The following SMYD3 variants were observed in gnomAD, a reference collection of about 807,000 sequenced individuals.
The protein encoded by SMYD3 is histone-lysine N-methyltransferase SMYD3.
Under a neutral mutation model 57.7 loss-of-function variants are expected in SMYD3, and 36 were observed. That is an observed-to-expected ratio of 0.62 (90% CI 0.48 to 0.82). The LOEUF (loss-of-function observed/expected upper bound fraction) is 0.82, where lower values mean the gene tolerates loss of function less well. SMYD3 is among the 40% of genes least tolerant of loss of function. The pLI is 0.00. For synonymous variants in SMYD3, 211 were observed against 195.0 expected (o/e 1.08, Z -0.68); for missense variants, 515 against 538.8 (o/e 0.96, Z 0.44).
chr1:245,949,152 C>T (rs1422403185), intron 5 of SMYD3, among the ~76,000 whole-genome samples: 4 of 152,180 alleles, frequency 2.6e-5, no homozygotes, highest in African/African-American at 9.7e-5. Flanking sequence ...ACGCCCATTG[C>T]CCAGACGCCC....
chr1:245,996,789 AAC>A (rs925401729), intron 5 of SMYD3, among the ~76,000 whole-genome samples: 4 of 152,174 alleles, frequency 2.6e-5, no homozygotes, highest in African/African-American at 9.7e-5. Flanking sequence ...CACCTACAGA[AAC>A]ACAGAAAGTT....
chr1:246,271,336 T>A (rs4291469), intron 5 of SMYD3, among the ~76,000 whole-genome samples: 12 of 152,040 alleles, frequency 7.9e-5, no homozygotes, highest in East Asian at 7.7e-4. Context: ...TTTCTTTAGC[T>A]GCCTGTTCCT....
chr1:246,063,344 A>G (rs1461887846), intron 5 of SMYD3, among the ~76,000 whole-genome samples: 2 of 152,116 alleles, frequency 1.3e-5, no homozygotes, highest in Non-Finnish European at 2.9e-5. Context: ...TTGGAGTTCA[A>G]TCGCCTGTAG....
At chr1:246,350,648 G>A (rs981744365) in intron 2 of SMYD3, among the ~76,000 whole-genome samples, 1 of 104,428 alleles carries the variant, frequency 9.6e-6, no homozygotes, top group African/African-American at 3.8e-5. Context: ...TCTGGGGGAA[G>A]ATAATGTACT....
chr1:245,843,576 G>A (rs1356634336), intron 10 of SMYD3, among the ~76,000 whole-genome samples: 8 of 118,118 alleles, frequency 6.8e-5, no homozygotes, highest in South Asian at 5.2e-4. Flanking sequence ...GTGTGTGTGT[G>A]TGTATGTGCA....
intron 1 of SMYD3, among the ~76,000 whole-genome samples, chr1:246,449,685 AC>A (rs1364226249): frequency 6.6e-6 from 1 of 152,146 alleles, no homozygotes; most frequent in African/African-American, 2.4e-5. Flanking sequence ...AACAATAAGC[AC>A]CCACTGCTTA....
intron 5 of SMYD3, among the ~76,000 whole-genome samples, chr1:246,258,229 G>A (rs770511909): frequency 6.6e-6 from 1 of 152,044 alleles, no homozygotes; most frequent in Non-Finnish European, 1.5e-5. Context: ...TAGAGATGGG[G>A]TTTTACCATG....
chr1:246,368,296 G>C (rs1237776578), intron 1 of SMYD3, among the ~76,000 whole-genome samples: 1 of 151,962 alleles, frequency 6.6e-6, no homozygotes, highest in African/African-American at 2.4e-5. Flanking sequence ...ATCCTTCTTG[G>C]GTGTCAGAGG....
rs557045439 is a variant in SMYD3, at chr1:246,273,570, C to T, written c.531+53631G>A. Among the ~76,000 whole-genome samples the T allele has an allele frequency of 4.0e-5, 5 of 125,136 alleles. No homozygotes were observed. The South Asian group carries it at 1.2e-3, about 31-fold the overall frequency. The allele number at this position is 125,136 out of a possible 152,430, so 82.1% of individuals were successfully genotyped here. The stretch of plus-strand genomic sequence containing the variant: ...TTCAAGAACGCAGCTTTTGGTTTCA[C>T]TAATCTTTTTTTTTTTTTTTTTTTT... On this transcript the variant is annotated intron_variant, in intron 5 of 11. Transcript: ENST00000490107.
chr1:245,761,549 G>A (rs2045843137), intron 11 of SMYD3, among the ~76,000 whole-genome samples: 1 of 152,138 alleles, frequency 6.6e-6, no homozygotes, highest in Admixed American at 6.5e-5. Flanking sequence ...AATGACTAAA[G>A]CTTCACATAA....
At chr1:246,064,195 G>A (rs1055005389) in intron 5 of SMYD3, among the ~76,000 whole-genome samples, 18 of 152,170 alleles carry the variant, frequency 1.2e-4, no homozygotes, top group Admixed American at 2.6e-4. Context: ...CTTGTCTCCT[G>A]CCTATCCTTC....
intron 5 of SMYD3, among the ~76,000 whole-genome samples, chr1:246,074,097 A>G (rs1218235602): frequency 6.6e-6 from 1 of 152,130 alleles, no homozygotes; most frequent in Non-Finnish European, 1.5e-5. Context: ...GCTATCATTC[A>G]TGTTAGTGTA....
At chr1:245,907,049 G>A (rs572019395) in intron 8 of SMYD3, among the ~76,000 whole-genome samples, 6 of 152,126 alleles carry the variant, frequency 3.9e-5, no homozygotes, top group Non-Finnish European at 7.4e-5. Context: ...AGTAGAAGGA[G>A]GCTTCCCAGA....
intron 1 of SMYD3, among the ~76,000 whole-genome samples, chr1:246,399,582 G>C (rs929670011): frequency 2.0e-5 from 3 of 151,986 alleles, no homozygotes; most frequent in Admixed American, 6.6e-5. Flanking sequence ...GGGCTCAACT[G>C]ATCTGCCCGG....
intron 1 of SMYD3, among the ~76,000 whole-genome samples, chr1:246,498,502 G>A (rs889106998): frequency 1.3e-5 from 2 of 152,148 alleles, no homozygotes; most frequent in African/African-American, 4.8e-5. Context: ...GGGAGGCCGA[G>A]GCGGGTGGAT....
At chr1:245,798,389 C>CAT (rs2047651909) in intron 10 of SMYD3, among the ~76,000 whole-genome samples, 1 of 74,004 alleles carries the variant, frequency 1.4e-5, no homozygotes, top group Non-Finnish European at 2.3e-5. Flanking sequence ...CACACACACG[C>CAT]GCACACACAC....
chr1:246,248,631 C>CTTGTTTTTTTTTTTTTTTTTTTTTT (rs1309872022), intron 5 of SMYD3, among the ~76,000 whole-genome samples: 1 of 119,268 alleles, frequency 8.4e-6, no homozygotes. Context: ...AGCTCTCTGA[C>CTTGTTTTTTTTTTTTTTTTTTTTTT]TTTCCTTTTT....
intron 1 of SMYD3, among the ~76,000 whole-genome samples, chr1:246,469,392 T>G (rs1410850775): frequency 6.6e-6 from 1 of 152,226 alleles, no homozygotes; most frequent in Non-Finnish European, 1.5e-5. Context: ...TTTAAATGGC[T>G]GAAACCAGGC....
chr1:246,234,990 G>A (rs2063490340), intron 5 of SMYD3, among the ~76,000 whole-genome samples: 1 of 152,170 alleles, frequency 6.6e-6, no homozygotes, highest in Non-Finnish European at 1.5e-5. Flanking sequence ...ACAGATTACT[G>A]AAAAGTGGAA....
Sources: allele counts gnomAD v4.1 joint callset (sites outside exome capture counted in the v4.1 genomes callset), GRCh38; gene constraint gnomAD v4.1.1; transcripts MANE v1.5; gene names NCBI Gene and HGNC (gene_info 2026-07-23, HGNC 2026-07-21).